Variants in PGCKA1 observed in about 807,000 individuals in gnomAD.
PGCKA1 encodes the protein PDCD10 and GCKIII kinases associated 1.
At chr4:37,581,845 T>C in the PGCKA1 span, among the ~76,000 whole-genome samples, 1 of 152,198 alleles carries the variant, frequency 6.6e-6, no homozygotes, top group Admixed American at 6.5e-5. This position sits in a 1 kb window ranked among gnomAD's most constrained non-coding sequence, Gnocchi z 4.4. Context: ...TGGCCTAGGC[T>C]ACCCTTCAAG....
chr4:37,482,164 C>T, the PGCKA1 span, among the ~76,000 whole-genome samples: 3 of 152,102 alleles, frequency 2.0e-5, no homozygotes, highest in Non-Finnish European at 2.9e-5. Context: ...TAGTGAGGTA[C>T]TGCTGTAAAG....
At chr4:37,536,637 G>A in the PGCKA1 span, among the ~76,000 whole-genome samples, 1 of 152,170 alleles carries the variant, frequency 6.6e-6, no homozygotes, top group African/African-American at 2.4e-5. Flanking sequence ...TGTAGAGATG[G>A]AGTCAGCAAA....
the PGCKA1 span, chr4:37,591,819 T>C: frequency 1.3e-5 from 2 of 152,326 alleles, no homozygotes; most frequent in East Asian, 3.9e-4. Context: ...AATTAAAATA[T>C]AACAACGTAT....
At chr4:37,566,931 C>T in the PGCKA1 span, among the ~76,000 whole-genome samples, 3 of 152,068 alleles carry the variant, frequency 2.0e-5, no homozygotes, top group Admixed American at 2.0e-4. Flanking sequence ...GTAAAATAAC[C>T]GCTATATCCT....
the PGCKA1 span, among the ~76,000 whole-genome samples, chr4:37,501,067 A>G: frequency 1.3e-5 from 2 of 152,088 alleles, no homozygotes; most frequent in African/African-American, 4.8e-5. Flanking sequence ...TTCCTTCTCC[A>G]GCTTGCCACT....
the PGCKA1 span, among the ~76,000 whole-genome samples, chr4:37,457,713 T>A: frequency 6.6e-6 from 1 of 152,252 alleles, no homozygotes; most frequent in Non-Finnish European, 1.5e-5. Flanking sequence ...CTCCAGAATA[T>A]GTATTGTAAC....
the PGCKA1 span, among the ~76,000 whole-genome samples, chr4:37,582,092 C>G: frequency 6.6e-6 from 1 of 152,144 alleles, no homozygotes; most frequent in Non-Finnish European, 1.5e-5. Flanking sequence ...TCTCCCTCCC[C>G]CAAACACACA....
At chr4:37,525,056 A>G in the PGCKA1 span, among the ~76,000 whole-genome samples, 1 of 152,206 alleles carries the variant, frequency 6.6e-6, no homozygotes, top group Non-Finnish European at 1.5e-5. Context: ...AAAACTGAAA[A>G]TTAGAGACAA....
chr4:37,533,199 A>AT, the PGCKA1 span, among the ~76,000 whole-genome samples: 4 of 152,152 alleles, frequency 2.6e-5, no homozygotes, highest in South Asian at 2.1e-4. Context: ...AAGCAGTAGG[A>AT]TTTTTTTTCC....
chr4:37,550,388 G>A, the PGCKA1 span, among the ~76,000 whole-genome samples: 1 of 152,060 alleles, frequency 6.6e-6, no homozygotes, highest in East Asian at 1.9e-4. Flanking sequence ...AAGTATATCT[G>A]TCAAGAATCA....
chr4:37,578,582 C>T, the PGCKA1 span, among the ~76,000 whole-genome samples: 26 of 152,234 alleles, frequency 1.7e-4, no homozygotes, highest in South Asian at 4.4e-3. Context: ...TTACTCCTGC[C>T]ATTTTATTTG....
At chr4:37,518,200 A>AT in the PGCKA1 span, among the ~76,000 whole-genome samples, 1 of 152,184 alleles carries the variant, frequency 6.6e-6, no homozygotes, top group African/African-American at 2.4e-5. Flanking sequence ...TTGCTTCTAA[A>AT]TATTAGTTAT....
the PGCKA1 span, among the ~76,000 whole-genome samples, chr4:37,487,029 G>A: frequency 4.6e-5 from 7 of 152,294 alleles, no homozygotes; most frequent in South Asian, 1.5e-3. Context: ...ATCCAGAAAT[G>A]GTGATGTCTA....
chr4:37,592,552 A>T, the PGCKA1 span, among the ~76,000 whole-genome samples: 1 of 152,182 alleles, frequency 6.6e-6, no homozygotes, highest in African/African-American at 2.4e-5. Flanking sequence ...CAACCATTCT[A>T]ACGTAACTCA....
chr4:37,575,213 C>G, the PGCKA1 span, among the ~76,000 whole-genome samples: 1 of 146,962 alleles, frequency 6.8e-6, no homozygotes, highest in African/African-American at 2.7e-5. Flanking sequence ...TACATTCCCA[C>G]CAACTGTGTA....
the PGCKA1 span, among the ~76,000 whole-genome samples, chr4:37,570,136 C>T: frequency 1.1e-4 from 15 of 137,502 alleles, no homozygotes; most frequent in South Asian, 1.4e-3. Flanking sequence ...CCCGCCACCA[C>T]GCCTGGCTAA....
At chr4:37,568,145 C>T in the PGCKA1 span, among the ~76,000 whole-genome samples, 6 of 152,142 alleles carry the variant, frequency 3.9e-5, no homozygotes, top group Non-Finnish European at 7.4e-5. Flanking sequence ...TGCACAGGGC[C>T]GGCAAGGCCA....
chr4:37,487,653 C>T, the PGCKA1 span, among the ~76,000 whole-genome samples: 2 of 152,040 alleles, frequency 1.3e-5, no homozygotes, highest in South Asian at 4.1e-4. Flanking sequence ...AATCCTTGTC[C>T]CCAGCCCCAT....
the PGCKA1 span, chr4:37,588,777 A>C: frequency 8.4e-7 from 1 of 1,188,396 alleles, no homozygotes; most frequent in Non-Finnish European, 1.2e-6. Flanking sequence ...AGGGAAAAAA[A>C]AAGGCAAACT....
Sources: allele counts gnomAD v4.1 joint callset (sites outside exome capture counted in the v4.1 genomes callset), GRCh38; gene constraint gnomAD v4.1.1; non-coding constraint Gnocchi (gnomAD v3.1); transcripts MANE v1.5; gene names NCBI Gene and HGNC (gene_info 2026-07-23, HGNC 2026-07-21).